The following PSMB10 variants were observed in gnomAD, a reference collection of about 807,000 sequenced individuals.
PSMB10 encodes proteasome 20S subunit beta 10.
Under a neutral mutation model 29.8 loss-of-function variants are expected in PSMB10, and 29 were observed. That is an observed-to-expected ratio of 0.97 (90% CI 0.73 to 1.33). The LOEUF is 1.33. Among genes scored for constraint, PSMB10 ranks in the 40% most tolerant of loss-of-function variants. The pLI, the probability that PSMB10 is intolerant of heterozygous loss-of-function variation, is 0.00. For missense variants in PSMB10, 327 were observed against 369.2 expected (o/e 0.89, Z 0.94); for synonymous variants, 157 against 164.7 (o/e 0.95, Z 0.36).
rs1304483106 is a variant in PSMB10 at position 67,936,307 on chromosome 16, C to A, written c.150G>T (p.Gly50=). 6.2e-7 allele frequency: 1 copy of A among 1,613,462 alleles called. No individual in the cohort carries two copies. The change falls in exon 3 of 8, where the codon GGG becomes GGT. Residue 50 remains glycine, a synonymous_variant. Transcript: ENST00000358514. ...TTIAGLVFQD[G]VILGADTRAT... ...CTCGCGTATCGGCGCCCAGAATGAC[C>A]CCGTCCTGAGGAGAGGGAGGGACCG...
chr16:67,935,440 G>C lies in PSMB10; in HGVS notation c.538C>G (p.Arg180Gly). Reference sequence around the variant, plus strand: ...CTCACCGTCATGTTCGGCTGGAACCGGTCTTCTAGCACCGCCAGGGCCGCG... The same window carrying C: ...CTCACCGTCATGTTCGGCTGGAACCCGTCTTCTAGCACCGCCAGGGCCGCG... ...QDAALAVLEDRFQPNMTLEAA... is the reference protein window; with the variant it reads ...QDAALAVLEDGFQPNMTLEAA... The change falls in exon 6 of 8, where the codon CGG (arginine) becomes GGG (glycine). Residue 180 changes from arginine (R) to glycine (G), a missense_variant. Coordinates refer to ENST00000358514, the MANE Select transcript of PSMB10 (RefSeq NM_002801.4). 6.2e-7 allele frequency: 1 copy of C among 1,614,046 alleles called. No individual in the cohort carries two copies. The highest frequency in any genetic ancestry group is 1.1e-5 in the South Asian group (1 of 91,088).
chr16:67,935,929 C>A (rs1205086632), intron 4 of PSMB10, 34 bp downstream of exon 4: 1 of 1,592,044 alleles, frequency 6.3e-7, no homozygotes, highest in Non-Finnish European at 8.6e-7. Flanking sequence ...CCGTAACTAC[C>A]CCTGCCGGGG....
In PSMB10 at chr16:67,934,844, G is replaced by A. The variant is rs753479806; in HGVS notation, c.663C>T (p.Gly221=). 5.0e-6 allele frequency: 8 copies of A among 1,613,892 alleles called. No homozygotes were observed. In the Admixed American group the frequency reaches 6.7e-5, roughly 13 times the overall value. ...AGCTCAGTGTCCGCAGCAGCTTGGCGCCAGTCTTTGTGATCACACATGCGT... is the reference window on the plus strand; with the variant it reads ...AGCTCAGTGTCCGCAGCAGCTTGGCACCAGTCTTTGTGATCACACATGCGT... ...NVDACVITKT[G]AKLLRTLSSP... is the part of the protein sequence containing the mutation. The change falls in exon 7 of 8, where the codon GGC becomes GGT. Residue 221 remains glycine, a synonymous_variant. Transcript: ENST00000358514. The surrounding 1 kb of genome is among the most constrained non-coding windows in gnomAD (Gnocchi z 4.3).
intron 6 of PSMB10, 88 bp downstream of exon 6, chr16:67,935,332 C>T (rs1364185268): frequency 6.5e-7 from 1 of 1,549,664 alleles, no homozygotes; most frequent in African/African-American, 1.4e-5. Context: ...GCCTTAGCCA[C>T]CCGCACTGGG....
chr16:67,935,145 G>A lies in PSMB10; in HGVS notation c.559-197C>T, dbSNP rs934481153. The stretch of plus-strand genomic sequence containing the variant: ...CACCCCAAACAAAATCTAGGCTCCA[G>A]ACGTTGATATAAGTAGGACCCTACT... On this transcript the variant is annotated intron_variant, in intron 6 of 7. Coordinates refer to ENST00000358514, the MANE Select transcript of PSMB10 (RefSeq NM_002801.4). 11 of 752,294 alleles carry A rather than the reference G, an allele frequency of 1.5e-5. No homozygotes were observed. The African/African-American group carries it at 1.8e-4, about 12-fold the overall frequency. The allele number at this position is 752,294 out of a possible 1,614,324, so 46.6% of individuals were successfully genotyped here. A position where few individuals can be genotyped will look rare whatever the true frequency, so the allele number is the denominator to read the frequency against.
At position 67,935,963 on chromosome 16, in the gene PSMB10, C is replaced by G. The variant is rs1050654704; in HGVS notation, c.383G>C (p.Arg128Thr). Residue 128 changes from arginine (R) to threonine (T), a missense_variant and splice_region_variant, in exon 4 of 8, where the codon AGG (arginine) becomes ACG (threonine). Coordinates refer to ENST00000358514, the MANE Select transcript of PSMB10 (RefSeq NM_002801.4). ...VTRILRQTLF[R>T]YQGHVGASLI... ...GGTCCTGTTAGCCCTGCCCCCGCAC[C>G]TGAAGAGCGTCTGGCGCAGGATGCG... The G allele has an allele frequency of 6.2e-7, 1 of 1,609,170 alleles. No homozygotes were observed. Among genetic ancestry groups the G allele is most frequent in the East Asian group, 2.2e-5 (1 of 44,778 alleles).
rs1191356819 is a variant in PSMB10, at chr16:67,935,707, G to C, written c.384-10C>G. The C allele has an allele frequency of 6.2e-7, 1 of 1,612,590 alleles. No individual in the cohort carries two copies. The highest frequency in any genetic ancestry group is 8.5e-7 in the Non-Finnish European group (1 of 1,179,632). Reference sequence around the variant, plus strand: ...CACGTGGCCCTGGTACCTGCTCGAGGATGGGCGGGGTCGGCCACAAGCTGG... The same window carrying C: ...CACGTGGCCCTGGTACCTGCTCGAGCATGGGCGGGGTCGGCCACAAGCTGG... On this transcript the variant is annotated splice_polypyrimidine_tract_variant and intron_variant, in intron 4 of 7. Coordinates refer to ENST00000358514, the MANE Select transcript of PSMB10 (RefSeq NM_002801.4).
chr16:67,935,941 C>G, intron 4 of PSMB10, 22 bp downstream of exon 4: 2 of 1,596,224 alleles, frequency 1.3e-6, no homozygotes, highest in South Asian at 1.1e-5. Context: ...CTGCCGGGGT[C>G]CTGTTAGCCC....
intron 6 of PSMB10, 118 bp downstream of exon 6, chr16:67,935,302 G>A (rs563824611): frequency 1.2e-4 from 148 of 1,269,620 alleles, no homozygotes; most frequent in Admixed American, 2.8e-4. Context: ...TCACCCTTCA[G>A]TGGTCACCTC....
chr16:67,936,508 A>C lies in PSMB10; in HGVS notation c.57-23T>G, dbSNP rs376207585. 1.1e-5 allele frequency: 17 copies of C among 1,599,660 alleles called. No homozygotes were observed. The African/African-American group carries it at 2.0e-4, about 19-fold the overall frequency. On this transcript the variant is annotated intron_variant, in intron 1 of 7. Transcript: ENST00000358514. The stretch of plus-strand genomic sequence containing the variant: ...TTTCTGGAAACGGAGGAGGGCGCCC[A>C]TGTTTCGGCTCTGCTTTCAAGACCC...
At position 67,935,974 on chromosome 16, in the gene PSMB10, C is replaced by G. The variant is rs778538577; in HGVS notation, c.372G>C (p.Gln124His). ...CCCTGCCCCCGCACCTGAAGAGCGT[C>G]TGGCGCAGGATGCGAGTGACCGTGG... ...RVATVTRILR[Q>H]TLFRYQGHVG... Residue 124 changes from glutamine (Q) to histidine (H), a missense_variant, in exon 4 of 8, where the codon CAG becomes CAC. Transcript: ENST00000358514. 1 of 1,610,980 alleles carries G rather than the reference C, an allele frequency of 6.2e-7. No homozygotes were observed.
At chr16:67,936,149 G>C in intron 3 of PSMB10, 46 bp from the exon 4 acceptor site, 1 of 1,608,724 alleles carries the variant, frequency 6.2e-7, no homozygotes, top group South Asian at 1.1e-5. Context: ...GGGACGTGCG[G>C]GGACCGGAGT....
intron 1 of PSMB10, 22 bp downstream of exon 1, chr16:67,936,672 G>GC (rs774731270): frequency 2.3e-5 from 36 of 1,545,276 alleles, no homozygotes; most frequent in Middle Eastern, 1.7e-4. Flanking sequence ...AGGAGTGACC[G>GC]CCCCCCGCGC....
In PSMB10 at chr16:67,936,656, C is replaced by A. The variant is rs746085083; in HGVS notation, c.56+38G>T. The A allele has an allele frequency of 3.9e-6, 6 of 1,524,994 alleles. No individual in the cohort carries two copies. The Admixed American group carries it at 8.6e-5, about 22-fold the overall frequency. The allele number at this position is 1,524,994 out of a possible 1,614,324, so 94.5% of individuals were successfully genotyped here. A position where few individuals can be genotyped will look rare whatever the true frequency, so the allele number is the denominator to read the frequency against. On this transcript the variant is annotated intron_variant, in intron 1 of 7. Transcript: ENST00000358514. ...AAAAAAGGCCACGAGCAAGCAGAGG[C>A]GGCTCAGGAGTGACCGCCCCCCGCG...
At chr16:67,936,129 G>A (rs982077142) in intron 3 of PSMB10, 26 bp from the exon 4 acceptor site, 3 of 1,608,204 alleles carry the variant, frequency 1.9e-6, no homozygotes, top group African/African-American at 1.3e-5. Flanking sequence ...GGATCGGTGT[G>A]GGCAGGGCTG....
intron 4 of PSMB10, 67 bp downstream of exon 4, chr16:67,935,896 C>G (rs2058261347): frequency 1.3e-6 from 2 of 1,566,180 alleles, no homozygotes; most frequent in South Asian, 2.3e-5. Flanking sequence ...TTCTTTCTGT[C>G]CCGCCTTCCA....
In PSMB10 at chr16:67,936,593, C is replaced by G; in HGVS notation, c.56+101G>C. 2.1e-6 allele frequency: 3 copies of G among 1,452,252 alleles called. No homozygotes were observed. The South Asian group carries it at 3.9e-5, about 19-fold the overall frequency. 90.0% of individuals were successfully genotyped at this position (1,452,252 alleles called of 1,614,324 possible). Reference sequence around the variant, plus strand: ...CATCTTCCGGGGTAAGCCTGGAACCCAAGTCGACCAACACACCCTCCCCCA... The same window carrying G: ...CATCTTCCGGGGTAAGCCTGGAACCGAAGTCGACCAACACACCCTCCCCCA... On this transcript the variant is annotated intron_variant, in intron 1 of 7. Coordinates refer to ENST00000358514, the MANE Select transcript of PSMB10 (RefSeq NM_002801.4).
chr16:67,936,579 G>A (rs1342412861), intron 1 of PSMB10, 94 bp from the exon 2 acceptor site: 1 of 1,455,842 alleles, frequency 6.9e-7, no homozygotes, highest in Non-Finnish European at 9.3e-7. Context: ...ATCTTCCGGG[G>A]TAAGCCTGGA....
At position 67,935,447 on chromosome 16, in the gene PSMB10, T is replaced by C. The variant is rs780407566; in HGVS notation, c.531A>G (p.Leu177=). The C allele has an allele frequency of 5.6e-6, 9 of 1,614,076 alleles. No individual in the cohort carries two copies. The highest frequency in any genetic ancestry group is 7.6e-6 in the Non-Finnish European group (9 of 1,180,034). The change falls in exon 6 of 8, where the codon CTA becomes CTG. Residue 177 remains leucine (L), a synonymous_variant. Transcript: ENST00000358514. Reference sequence around the variant, plus strand: ...TCATGTTCGGCTGGAACCGGTCTTCTAGCACCGCCAGGGCCGCGTCCTGAC... The same window carrying C: ...TCATGTTCGGCTGGAACCGGTCTTCCAGCACCGCCAGGGCCGCGTCCTGAC... The part of the protein sequence containing the change: ...GSGQDAALAV[L]EDRFQPNMTL...
Sources: allele counts gnomAD v4.1 joint callset, GRCh38; gene constraint gnomAD v4.1.1; non-coding constraint Gnocchi (gnomAD v3.1); transcripts MANE v1.5; gene names NCBI Gene and HGNC (gene_info 2026-07-23, HGNC 2026-07-21).